The following SLC35F3 variants were observed in gnomAD, a reference collection of about 807,000 sequenced individuals.
SLC35F3 encodes the protein putative thiamine transporter SLC35F3.
A neutral mutation model predicts 49.9 loss-of-function variants in SLC35F3; 25 were observed. That is an observed-to-expected ratio of 0.50 (90% confidence interval 0.37 to 0.70). SLC35F3 has a LOEUF of 0.70. SLC35F3 is among the 30% of genes least tolerant of loss of function. The pLI, the probability that SLC35F3 is intolerant of heterozygous loss-of-function variation, is 0.00. For missense variants in SLC35F3, 525 were observed against 639.8 expected (o/e 0.82, Z 1.94); for synonymous variants, 275 against 265.4 (o/e 1.04, Z -0.35).
intron 2 of SLC35F3, among the ~76,000 whole-genome samples, chr1:234,209,244 C>CT (rs1187865900): frequency 2.0e-5 from 3 of 150,844 alleles, no homozygotes; most frequent in Admixed American, 6.6e-5. Context: ...ATTATTAGCA[C>CT]TTTTTTTTTG....
At chr1:234,205,456 G>A (rs74147561) in intron 2 of SLC35F3, among the ~76,000 whole-genome samples, 225 of 152,316 alleles carry the variant, frequency 1.5e-3, no homozygotes, top group African/African-American at 5.2e-3. Flanking sequence ...GTGAGACTCC[G>A]TCTCAAAGCA....
intron 3 of SLC35F3, among the ~76,000 whole-genome samples, chr1:234,307,768 C>A (rs1192170706): frequency 6.6e-6 from 1 of 152,194 alleles, no homozygotes; most frequent in African/African-American, 2.4e-5. Context: ...AGTGCAGCAC[C>A]ATGTCCATGA....
intron 2 of SLC35F3, among the ~76,000 whole-genome samples, chr1:234,023,363 G>A (rs896002168): frequency 3.3e-5 from 5 of 152,178 alleles, no homozygotes; most frequent in African/African-American, 1.2e-4. Context: ...GTATGTCGTG[G>A]TGTACAGGAG....
chr1:234,158,136 A>G (rs928072631), intron 2 of SLC35F3, among the ~76,000 whole-genome samples: 3 of 152,172 alleles, frequency 2.0e-5, no homozygotes, highest in African/African-American at 7.2e-5. Flanking sequence ...TGTTTCTTGC[A>G]TTTGGACCTA....
intron 3 of SLC35F3, among the ~76,000 whole-genome samples, chr1:234,241,219 ATAAC>A (rs1667549254): frequency 6.6e-6 from 1 of 152,160 alleles, no homozygotes; most frequent in African/African-American, 2.4e-5. Flanking sequence ...GGCTTCCCAA[ATAAC>A]TAACCCACTT....
intron 2 of SLC35F3, among the ~76,000 whole-genome samples, chr1:233,977,694 G>T (rs1372836640): frequency 6.6e-6 from 1 of 152,136 alleles, no homozygotes; most frequent in Non-Finnish European, 1.5e-5. Flanking sequence ...ATAAATTATG[G>T]CATCAAGTCT....
chr1:234,262,585 T>C (rs1667922123), intron 3 of SLC35F3, among the ~76,000 whole-genome samples: 1 of 152,178 alleles, frequency 6.6e-6, no homozygotes, highest in Non-Finnish European at 1.5e-5. Flanking sequence ...TTCCTGGTCC[T>C]CCGGAGGGCC....
chr1:233,964,702 A>G (rs528642942), intron 2 of SLC35F3, among the ~76,000 whole-genome samples: 37 of 152,366 alleles, frequency 2.4e-4, no homozygotes, highest in African/African-American at 8.2e-4. Flanking sequence ...AAGGAGTGAC[A>G]GCAGAGAGAT....
Position 234,033,712 on chromosome 1 carries a change from A to G in SLC35F3, c.283+127954A>G, listed in dbSNP as rs562115620. On this transcript the variant is annotated intron_variant, in intron 2 of 7. Transcript: ENST00000366618. ...ATTCTCTGTTCTGTTTCATTGGTCTATGCGCCTATTTTTATACCAGTATCA... is the reference window on the plus strand; with the variant it reads ...ATTCTCTGTTCTGTTTCATTGGTCTGTGCGCCTATTTTTATACCAGTATCA... 1.2e-4 allele frequency among the ~76,000 whole-genome samples: 19 copies of G among 152,252 alleles called. No homozygotes were observed. In the East Asian group the frequency reaches 3.7e-3, roughly 29 times the overall value.
intron 3 of SLC35F3, among the ~76,000 whole-genome samples, chr1:234,288,240 A>G (rs1668454170): frequency 6.6e-6 from 1 of 152,122 alleles, no homozygotes; most frequent in African/African-American, 2.4e-5. Flanking sequence ...CTACACCATA[A>G]TACAGACCCT....
intron 3 of SLC35F3, among the ~76,000 whole-genome samples, chr1:234,236,440 A>G (rs1350871262): frequency 6.6e-6 from 1 of 152,040 alleles, no homozygotes; most frequent in East Asian, 1.9e-4. Flanking sequence ...ACCCTGTCTC[A>G]AAACAAAAAA....
chr1:234,098,524 T>A (rs1322729698), intron 2 of SLC35F3, among the ~76,000 whole-genome samples: 2 of 149,102 alleles, frequency 1.3e-5, no homozygotes. Flanking sequence ...GTAGTGACTG[T>A]GTTATAGAGT....
chr1:233,939,219 G>A (rs575151935), intron 2 of SLC35F3, among the ~76,000 whole-genome samples: 1 of 152,282 alleles, frequency 6.6e-6, no homozygotes, highest in East Asian at 1.9e-4. Flanking sequence ...TGGGAGGCCT[G>A]GGCAAGTGGA....
At chr1:234,225,281 T>A (rs1194438602) in intron 2 of SLC35F3, among the ~76,000 whole-genome samples, 1 of 152,124 alleles carries the variant, frequency 6.6e-6, no homozygotes, top group Non-Finnish European at 1.5e-5. Flanking sequence ...CTGAAATGGA[T>A]TGTTTGGAAG....
intron 2 of SLC35F3, among the ~76,000 whole-genome samples, chr1:233,942,698 C>A (rs1355199512): frequency 6.6e-6 from 1 of 152,192 alleles, no homozygotes; most frequent in East Asian, 1.9e-4. Context: ...CAGACATGAG[C>A]CGCTGAGCCC....
Position 234,146,481 on chromosome 1 carries a change from C to CTTTTTTTTTTTTTTTTTTTTTTTTTT in SLC35F3, c.284-84912_284-84911insTTTTTTTTTTTTTTTTTTTTTTTTTT, listed in dbSNP as rs869146212. Among the ~76,000 whole-genome samples, 5 of 74,038 alleles carry CTTTTTTTTTTTTTTTTTTTTTTTTTT rather than the reference C, an allele frequency of 6.8e-5. 1 individual carries two copies. The highest frequency in any genetic ancestry group is 2.2e-4 in the Admixed American group (1 of 4,530). The allele number at this position is 74,038 out of a possible 152,430, so 48.6% of individuals were successfully genotyped here. On this transcript the variant is annotated intron_variant, in intron 2 of 7. Transcript: ENST00000366618. ...AATAAAAGTTACCAAGATATTTGCT[C>CTTTTTTTTTTTTTTTTTTTTTTTTTT]TTTTTTTTTTTTTTTTTTTTTTTTC...
intron 2 of SLC35F3, among the ~76,000 whole-genome samples, chr1:233,982,857 C>T (rs1160345446): frequency 6.6e-6 from 1 of 152,106 alleles, no homozygotes; most frequent in Non-Finnish European, 1.5e-5. Context: ...TAGCTGTGGT[C>T]ATAAAGGATT....
chr1:233,905,847 G>C (rs765343898), intron 2 of SLC35F3, 89 bp downstream of exon 2: 2 of 1,234,310 alleles, frequency 1.6e-6, no homozygotes, highest in African/African-American at 1.5e-5. Context: ...GCAGTGAGGC[G>C]TCCAGCCACC....
chr1:234,144,828 G>A (rs1665973351), intron 2 of SLC35F3, among the ~76,000 whole-genome samples: 1 of 152,198 alleles, frequency 6.6e-6, no homozygotes, highest in Non-Finnish European at 1.5e-5. Flanking sequence ...GGATAGAGGG[G>A]TGTCCAATAG....
Sources: allele counts gnomAD v4.1 joint callset (sites outside exome capture counted in the v4.1 genomes callset), GRCh38; gene constraint gnomAD v4.1.1; transcripts MANE v1.5; gene names NCBI Gene and HGNC (gene_info 2026-07-23, HGNC 2026-07-21).